ARHGAP24: variants seen among roughly 807,000 people sequenced by gnomAD.
The protein encoded by ARHGAP24 is rho GTPase-activating protein 24.
Under a neutral mutation model 76.4 loss-of-function variants are expected in ARHGAP24, and 50 were observed. The ratio of observed to expected loss-of-function variants is 0.65; its 90% CI spans 0.52 to 0.83. The LOEUF is 0.83. Among genes scored for constraint, ARHGAP24 ranks in the 40% least tolerant of loss-of-function variants. The probability of loss-of-function intolerance (pLI) is 0.00; values close to 1 mark genes in which losing one functional copy is unlikely to be tolerated. For missense variants in ARHGAP24, 930 were observed against 914.2 expected, an observed-to-expected ratio of 1.02 and a Z score of -0.22; for synonymous variants, 345 against 323.3, an observed-to-expected ratio of 1.07 and a Z score of -0.72.
chr4:85,948,708 AG>A (rs1442362937), intron 5 of ARHGAP24, among the ~76,000 whole-genome samples: 3 of 152,244 alleles, frequency 2.0e-5, no homozygotes, highest in Non-Finnish European at 2.9e-5. Flanking sequence ...TCATAAAAAA[AG>A]GTTTCTATTG....
intron 4 of ARHGAP24, among the ~76,000 whole-genome samples, chr4:85,935,072 G>A (rs1424640986): frequency 1.3e-5 from 2 of 152,174 alleles, no homozygotes; most frequent in Non-Finnish European, 2.9e-5. Context: ...CTTTACAGTG[G>A]TGGTGGACAA....
chr4:85,957,955 T>A (rs1469872185), intron 5 of ARHGAP24, among the ~76,000 whole-genome samples: 1 of 152,220 alleles, frequency 6.6e-6, no homozygotes. Context: ...TCCTTTCAAT[T>A]TATCTTTGCA....
chr4:85,838,248 C>A (rs1730398700), intron 3 of ARHGAP24, among the ~76,000 whole-genome samples: 2 of 152,176 alleles, frequency 1.3e-5, no homozygotes, highest in Non-Finnish European at 1.5e-5. Flanking sequence ...GTGAGCATGA[C>A]TACTGTGGAT....
chr4:85,641,244 A>G (rs990265104), intron 2 of ARHGAP24, among the ~76,000 whole-genome samples: 1 of 152,144 alleles, frequency 6.6e-6, no homozygotes, highest in Non-Finnish European at 1.5e-5. Context: ...TCAGGTGTGC[A>G]ACACCATTCT....
intron 2 of ARHGAP24, among the ~76,000 whole-genome samples, chr4:85,638,604 T>G (rs1358152034): frequency 2.0e-5 from 3 of 152,158 alleles, no homozygotes; most frequent in Non-Finnish European, 4.4e-5. Flanking sequence ...ACATCAACTT[T>G]CCTTTTGTGT....
At position 85,815,626 on chromosome 4, in the gene ARHGAP24, C is replaced by T. The variant is rs559800744; in HGVS notation, c.268+93654C>T. On this transcript the variant is annotated intron_variant, in intron 3 of 9. Transcript: ENST00000395184. Reference sequence around the variant, plus strand: ...TCTCATTGTCCATATGGCTATCAGACTTTTGGCTAAAGCCATTCAACGAGT... The same window carrying T: ...TCTCATTGTCCATATGGCTATCAGATTTTTGGCTAAAGCCATTCAACGAGT... Among the ~76,000 whole-genome samples the T allele has an allele frequency of 1.5e-3, 233 of 152,336 alleles. 1 individual carries two copies. Among genetic ancestry groups the T allele is most frequent in the Middle Eastern group, 6.8e-3 (2 of 294 alleles).
intron 3 of ARHGAP24, among the ~76,000 whole-genome samples, chr4:85,899,685 C>A (rs1359322991): frequency 6.6e-6 from 1 of 152,110 alleles, no homozygotes; most frequent in Admixed American, 6.5e-5. Context: ...TAGCTTCTTT[C>A]CAGTGCTGTT....
At position 85,759,982 on chromosome 4, in the gene ARHGAP24, T is replaced by C. The variant is rs1387407313; in HGVS notation, c.268+38010T>C. 2.6e-5 allele frequency among the ~76,000 whole-genome samples: 4 copies of C among 152,304 alleles called. No individual in the cohort carries two copies. The East Asian group carries it at 7.7e-4, about 29-fold the overall frequency. On this transcript the variant is annotated intron_variant, in intron 3 of 9. Transcript: ENST00000395184. ...AAAACGTGTCTCATTAACTCACAGT[T>C]CCAAAATGTTACAGATAGCTGTGGG...
chr4:85,780,451 C>T (rs1428875836), intron 3 of ARHGAP24, among the ~76,000 whole-genome samples: 6 of 152,208 alleles, frequency 3.9e-5, no homozygotes, highest in Admixed American at 3.3e-4. Context: ...GGATTACAAA[C>T]GTGAGCCACT....
intron 3 of ARHGAP24, among the ~76,000 whole-genome samples, chr4:85,859,452 T>C (rs1460205272): frequency 6.6e-6 from 1 of 152,136 alleles, no homozygotes; most frequent in East Asian, 1.9e-4. Flanking sequence ...TCTCGGCAGA[T>C]AAAAATAAAG....
intron 2 of ARHGAP24, among the ~76,000 whole-genome samples, chr4:85,601,521 C>T (rs1352218355): frequency 6.6e-6 from 1 of 152,046 alleles, no homozygotes; most frequent in African/African-American, 2.4e-5. Flanking sequence ...TGGCAGCATC[C>T]CTGGCTTCTA....
chr4:85,985,620 G>A (rs1364440003), intron 8 of ARHGAP24, among the ~76,000 whole-genome samples: 1 of 152,104 alleles, frequency 6.6e-6, no homozygotes, highest in Admixed American at 6.6e-5. Flanking sequence ...TTATACCCCT[G>A]AATTAAAACA....
Position 85,721,824 on chromosome 4 carries a change from A to T in ARHGAP24, c.181-61A>T. 2.2e-6 allele frequency: 3 copies of T among 1,387,822 alleles called. No homozygotes were observed. In the South Asian group the frequency reaches 3.5e-5, roughly 16 times the overall value. The allele number at this position is 1,387,822 out of a possible 1,614,324, so 86.0% of individuals were successfully genotyped here. A position where few individuals can be genotyped will look rare whatever the true frequency, so the allele number is the denominator to read the frequency against. Reference sequence around the variant, plus strand: ...ACACCTTGGATATTCACTGATTATAATGATGATATATGATGTTTGCTCTCT... The same window carrying T: ...ACACCTTGGATATTCACTGATTATATTGATGATATATGATGTTTGCTCTCT... On this transcript the variant is annotated intron_variant, in intron 2 of 9. Transcript: ENST00000395184.
intron 2 of ARHGAP24, among the ~76,000 whole-genome samples, chr4:85,672,915 G>A (rs1722857495): frequency 6.6e-6 from 1 of 152,068 alleles, no homozygotes; most frequent in Non-Finnish European, 1.5e-5. Context: ...TGGTGTAATA[G>A]CACCCTATCT....
intron 3 of ARHGAP24, among the ~76,000 whole-genome samples, chr4:85,833,828 T>C (rs965754310): frequency 6.6e-6 from 1 of 152,184 alleles, no homozygotes; most frequent in Non-Finnish European, 1.5e-5. Flanking sequence ...AAGTAAGGTA[T>C]TTATAAGCTC....
chr4:85,571,743 G>A (rs1248749322), intron 2 of ARHGAP24, among the ~76,000 whole-genome samples: 2 of 151,934 alleles, frequency 1.3e-5, no homozygotes, highest in Admixed American at 1.3e-4. Context: ...CATTTACCAA[G>A]GCTGGACATC....
At chr4:85,493,965 C>T (rs1367797383) in intron 1 of ARHGAP24, among the ~76,000 whole-genome samples, 1 of 152,094 alleles carries the variant, frequency 6.6e-6, no homozygotes, top group Non-Finnish European at 1.5e-5. Flanking sequence ...TTCTTCTCTT[C>T]CTCATCGTGA....
intron 9 of ARHGAP24, among the ~76,000 whole-genome samples, chr4:85,996,374 A>G (rs1404337523): frequency 6.6e-6 from 1 of 152,204 alleles, no homozygotes; most frequent in Non-Finnish European, 1.5e-5. Context: ...GCTAAAACCT[A>G]ATTATATCAA....
At chr4:85,992,744 T>G (rs577011519) in intron 8 of ARHGAP24, among the ~76,000 whole-genome samples, 1 of 152,296 alleles carries the variant, frequency 6.6e-6, no homozygotes, top group Non-Finnish European at 1.5e-5. Context: ...ATGGAAAATA[T>G]GATGACAAAT....
Sources: allele counts gnomAD v4.1 joint callset (sites outside exome capture counted in the v4.1 genomes callset), GRCh38; gene constraint gnomAD v4.1.1; transcripts MANE v1.5; gene names NCBI Gene and HGNC (gene_info 2026-07-23, HGNC 2026-07-21).